Variants in TUSC3 observed in about 807,000 individuals in gnomAD.
TUSC3 encodes tumor suppressor candidate 3.
TUSC3 carries 45 observed loss-of-function variants against 44.8 expected under a neutral mutation model. That is an observed-to-expected ratio of 1.00 (90% CI 0.79 to 1.29). TUSC3 has a LOEUF of 1.29. Among genes scored for constraint, TUSC3 ranks in the 50% most tolerant of loss-of-function variants. TUSC3 has a pLI of 0.00. For synonymous variants in TUSC3, 212 were observed against 152.9 expected, an observed-to-expected ratio of 1.39 and a Z score of -2.85; for missense variants, 519 against 437.9, an observed-to-expected ratio of 1.19 and a Z score of -1.65.
intron 2 of TUSC3, among the ~76,000 whole-genome samples, chr8:15,641,782 C>T (rs974040475): frequency 6.6e-6 from 1 of 152,116 alleles, no homozygotes; most frequent in East Asian, 1.9e-4. Context: ...TCTACTTGGC[C>T]ACATCATAAT....
chr8:15,504,050 A>G (rs1801011769), intron 2 of TUSC3, among the ~76,000 whole-genome samples: 1 of 151,640 alleles, frequency 6.6e-6, no homozygotes, highest in African/African-American at 2.4e-5. Flanking sequence ...AGAAAAGAAC[A>G]CACCGTTTAT....
intron 1 of TUSC3, among the ~76,000 whole-genome samples, chr8:15,475,684 T>A (rs150409379): frequency 5.7e-4 from 87 of 152,296 alleles, no homozygotes; most frequent in African/African-American, 2.0e-3. Context: ...CATTTTGGTT[T>A]TACATGAAGA....
rs1263331173 is a variant in TUSC3 at position 15,766,374 on chromosome 8, G to A, written c.*2218G>A. 1 of 152,064 alleles carries A rather than the reference G, an allele frequency of 6.6e-6. No homozygotes were observed. The highest frequency in any genetic ancestry group is 6.6e-5 in the Admixed American group (1 of 15,256). The allele number at this position is 152,064 out of a possible 1,614,324, so 9.4% of individuals were successfully genotyped here. A position where few individuals can be genotyped will look rare whatever the true frequency, so the allele number is the denominator to read the frequency against. ...ACATACATGCGATGTATTTACCTTTGCTAGACAATGAGAATTGAATAATTG... is the reference window on the plus strand; with the variant it reads ...ACATACATGCGATGTATTTACCTTTACTAGACAATGAGAATTGAATAATTG... On this transcript the variant is annotated 3_prime_UTR_variant, in exon 11 of 11. Coordinates refer to ENST00000503731, the MANE Select transcript of TUSC3 (RefSeq NM_006765.4).
chr8:15,463,085 T>G (rs185658161), intron 1 of TUSC3, among the ~76,000 whole-genome samples: 1 of 152,094 alleles, frequency 6.6e-6, no homozygotes, highest in African/African-American at 2.4e-5. Context: ...TTTCTTCTTT[T>G]GCCTCTCTGT....
chr8:15,619,957 A>G (rs1321938340), intron 1 of TUSC3, among the ~76,000 whole-genome samples: 8 of 152,184 alleles, frequency 5.3e-5, no homozygotes, highest in African/African-American at 1.7e-4. Flanking sequence ...ATAACAGTGC[A>G]AGGCTGAGGC....
chr8:15,534,183 T>A (rs1310954817), intron 2 of TUSC3, among the ~76,000 whole-genome samples: 2 of 152,126 alleles, frequency 1.3e-5, no homozygotes, highest in East Asian at 1.9e-4. Flanking sequence ...ATTACTATAA[T>A]TATGAGATAA....
intron 2 of TUSC3, among the ~76,000 whole-genome samples, chr8:15,634,250 G>A (rs775716232): frequency 2.6e-4 from 40 of 152,282 alleles, no homozygotes; most frequent in Non-Finnish European, 4.9e-4. Context: ...AAGAAACCCA[G>A]GTTGGCAGTG....
At chr8:15,458,023 C>G (rs1013465201) in intron 1 of TUSC3, among the ~76,000 whole-genome samples, 8 of 151,484 alleles carry the variant, frequency 5.3e-5, no homozygotes, top group African/African-American at 1.9e-4. Flanking sequence ...GTTAAAAAGG[C>G]CAAATAATTC....
intron 6 of TUSC3, among the ~76,000 whole-genome samples, chr8:15,693,464 T>TTTTTG (rs1312879881): frequency 6.7e-6 from 1 of 149,794 alleles, no homozygotes; most frequent in Non-Finnish European, 1.5e-5. Flanking sequence ...TTTTTTTTTT[T>TTTTTG]TAAAGAATGC....
At position 15,731,759 on chromosome 8, in the gene TUSC3, T is replaced by G. The variant is rs528047732; in HGVS notation, c.862+1030T>G. On this transcript the variant is annotated intron_variant, in intron 7 of 10. Coordinates refer to ENST00000503731, the MANE Select transcript of TUSC3 (RefSeq NM_006765.4). ...ATCTGGAGGAAAAATACTATCTTTT[T>G]AACAACATTGAAGTTTTTGGATTTT... is the stretch of plus-strand genomic sequence containing the variant. 1.8e-4 allele frequency among the ~76,000 whole-genome samples: 28 copies of G among 152,308 alleles called. 1 individual carries two copies. In the South Asian group the frequency reaches 5.4e-3, roughly 29 times the overall value.
chr8:15,700,461 G>A lies in TUSC3; in HGVS notation c.798+26625G>A, dbSNP rs550856402. ...GTGAACAGAGTAAGTAGGAGTGAAA[G>A]AGCCTTTTCCTTAGGCTGGATATTG... On this transcript the variant is annotated intron_variant, in intron 6 of 10. Transcript: ENST00000503731. Among the ~76,000 whole-genome samples the A allele has an allele frequency of 2.9e-4, 44 of 152,234 alleles. No individual in the cohort carries two copies. The East Asian group carries it at 8.5e-3, about 29-fold the overall frequency.
chr8:15,792,298 C>G, the TUSC3 span, among the ~76,000 whole-genome samples: 2 of 152,184 alleles, frequency 1.3e-5, no homozygotes, highest in South Asian at 2.1e-4. Context: ...TCAAAGACAA[C>G]TAAGTCAACA....
chr8:15,480,388 T>A (rs1800642146), intron 1 of TUSC3, among the ~76,000 whole-genome samples: 1 of 152,252 alleles, frequency 6.6e-6, no homozygotes, highest in South Asian at 2.1e-4. Context: ...TACTTGACTT[T>A]TCCTGGTTGG....
At chr8:15,455,433 G>A (rs537254962) in intron 1 of TUSC3, among the ~76,000 whole-genome samples, 160 of 150,960 alleles carry the variant, frequency 1.1e-3, no homozygotes, top group African/African-American at 3.0e-3. Flanking sequence ...ATGTATACAC[G>A]TATATGTATA....
Position 15,765,103 on chromosome 8 carries a change from A to G in TUSC3, c.*947A>G, listed in dbSNP as rs963702307. On this transcript the variant is annotated 3_prime_UTR_variant, in exon 11 of 11. Transcript: ENST00000503731. ...AAACATAGGAGTGTAATGTACTATT[A>G]TGTTTGTATCCTGTTTTAGTTTATA... 20 of 152,128 alleles carry G rather than the reference A, an allele frequency of 1.3e-4. No homozygotes were observed. In the East Asian group the frequency reaches 3.7e-3, roughly 28 times the overall value. 9.4% of individuals were successfully genotyped at this position (152,128 alleles called of 1,614,324 possible).
chr8:15,794,961 G>T, the TUSC3 span, among the ~76,000 whole-genome samples: 1 of 152,086 alleles, frequency 6.6e-6, no homozygotes, highest in South Asian at 2.1e-4. Flanking sequence ...CCCAACATCT[G>T]CCCCTTGCTT....
the TUSC3 span, among the ~76,000 whole-genome samples, chr8:15,848,781 A>T: frequency 2.6e-5 from 4 of 152,204 alleles, no homozygotes; most frequent in African/African-American, 9.6e-5. Flanking sequence ...GGTTTCTGTA[A>T]TTCTATGAAA....
chr8:15,820,918 G>A, the TUSC3 span, among the ~76,000 whole-genome samples: 4 of 152,162 alleles, frequency 2.6e-5, no homozygotes, highest in Admixed American at 2.0e-4. Context: ...AATAGATAAT[G>A]TAAGTATAAT....
intron 6 of TUSC3, among the ~76,000 whole-genome samples, chr8:15,708,464 A>G (rs886776405): frequency 2.6e-5 from 4 of 151,978 alleles, no homozygotes; most frequent in Non-Finnish European, 5.9e-5. Flanking sequence ...CTGAAGACAG[A>G]AGTAACATAT....
Sources: allele counts gnomAD v4.1 joint callset (sites outside exome capture counted in the v4.1 genomes callset), GRCh38; gene constraint gnomAD v4.1.1; transcripts MANE v1.5; gene names NCBI Gene and HGNC (gene_info 2026-07-23, HGNC 2026-07-21).